ARAP2: variants seen among roughly 807,000 people sequenced by gnomAD.
The protein encoded by ARAP2 is arf-GAP with Rho-GAP domain, ANK repeat and PH domain-containing protein 2.
A neutral mutation model predicts 194.5 loss-of-function variants in ARAP2; 148 were observed. The observed-to-expected ratio is 0.76, with a 90% CI of 0.67 to 0.87. The LOEUF is 0.87. Among genes scored for constraint, ARAP2 ranks in the 40% least tolerant of loss-of-function variants. ARAP2 has a pLI of 0.00. For synonymous variants in ARAP2, 695 were observed against 683.5 expected, an observed-to-expected ratio of 1.02 and a Z score of -0.26; for missense variants, 2,128 against 1,989.7, an observed-to-expected ratio of 1.07 and a Z score of -1.32.
At position 36,228,691 on chromosome 4, in the gene ARAP2, C is replaced by A; in HGVS notation, c.796G>T (p.Ala266Ser). ...AACTTGCTACGACTTCTCACAGGTG[C>A]TAGGATTGGTGATGATGGAACATAC... ...DLYVPSSPIL[A>S]PVRSRSKLVS... Residue 266 changes from alanine to serine, a missense_variant, in exon 2 of 33, where the codon GCA becomes TCA. Coordinates refer to ENST00000303965, the MANE Select transcript of ARAP2 (RefSeq NM_015230.4). 6.2e-7 allele frequency: 1 copy of A among 1,614,014 alleles called. No individual in the cohort carries two copies. The highest frequency in any genetic ancestry group is 8.5e-7 in the Non-Finnish European group (1 of 1,179,962).
chr4:36,148,539 A>T (rs1395198345), intron 16 of ARAP2, 32 bp from the exon 17 acceptor site: 2 of 1,479,476 alleles, frequency 1.4e-6, no homozygotes, highest in Non-Finnish European at 1.9e-6. Context: ...AGATACTACC[A>T]GTTATATTTA....
chr4:36,050,246 C>G (rs941218747), intron 3 of ARAP2, among the ~76,000 whole-genome samples: 1 of 152,194 alleles, frequency 6.6e-6, no homozygotes, highest in Non-Finnish European at 1.5e-5. Flanking sequence ...CAGAGAGCAT[C>G]TGCAGCCAAT....
chr4:36,102,256 C>T (rs1717152736), intron 27 of ARAP2, among the ~76,000 whole-genome samples: 1 of 151,918 alleles, frequency 6.6e-6, no homozygotes, highest in Non-Finnish European at 1.5e-5. Context: ...TCCATCACTC[C>T]CAACCAGCAA....
At chr4:36,061,793 C>T (rs529099435), downstream of ARAP2, among the ~76,000 whole-genome samples, 7 of 152,156 alleles carry the variant, frequency 4.6e-5, no homozygotes, top group East Asian at 1.4e-3. Flanking sequence ...TCCCTTTTCG[C>T]CACAATCTCA....
At chr4:36,175,986 T>C (rs746080825) in intron 9 of ARAP2, among the ~76,000 whole-genome samples, 16 of 152,298 alleles carry the variant, frequency 1.1e-4, no homozygotes, top group Middle Eastern at 3.4e-3. Context: ...TGACATGGTA[T>C]ACAATGTTTA....
intron 8 of ARAP2, among the ~76,000 whole-genome samples, chr4:36,178,806 A>G (rs956071095): frequency 6.6e-6 from 1 of 152,328 alleles, no homozygotes; most frequent in Middle Eastern, 3.4e-3. Context: ...TTAGTATTAA[A>G]GTGAGGAGAA....
Position 36,128,730 on chromosome 4 carries a change from T to C in ARAP2, c.3443A>G (p.Tyr1148Cys), listed in dbSNP as rs1472945652. The C allele has an allele frequency of 2.2e-5, 35 of 1,596,366 alleles. No homozygotes were observed. The highest frequency in any genetic ancestry group is 2.8e-5 in the Non-Finnish European group (33 of 1,174,928). Residue 1148 changes from tyrosine to cysteine, a missense_variant, in exon 21 of 33, where the codon TAT (tyrosine) becomes TGT (cysteine). Transcript: ENST00000303965. ...FVTQYGLGCK[Y>C]IYQKNGDPLH... is the part of the protein sequence containing the mutation. ...AGGATCACCATTCTTTTGATAGATA[T>C]ATTTGCATCCTAAACCTTTGTTTAA...
intron 26 of ARAP2, 82 bp downstream of exon 26, chr4:36,114,088 A>G (rs1720719047): frequency 4.0e-6 from 4 of 991,492 alleles, no homozygotes; most frequent in Non-Finnish European, 6.2e-6. Flanking sequence ...GTTAAGACAT[A>G]AAATGTTTAT....
intron 27 of ARAP2, among the ~76,000 whole-genome samples, chr4:36,096,110 T>C (rs1236694944): frequency 6.6e-6 from 1 of 152,038 alleles, no homozygotes; most frequent in Non-Finnish European, 1.5e-5. Flanking sequence ...ATATCTGTAA[T>C]CCCAGCACTT....
rs965928274 is a variant in ARAP2 at position 36,019,172 on chromosome 4, C to A, written n.722G>T. 2.0e-5 allele frequency: 3 copies of A among 149,404 alleles called. No individual in the cohort carries two copies. In the East Asian group the frequency reaches 5.8e-4, roughly 29 times the overall value. 9.3% of individuals were successfully genotyped at this position (149,404 alleles called of 1,614,324 possible). ...TATCATAATACTGTTCACTTGTTTTCATCTTTAATTATGCTTGGTTCAGTA... is the reference window on the plus strand; with the variant it reads ...TATCATAATACTGTTCACTTGTTTTAATCTTTAATTATGCTTGGTTCAGTA... On this transcript the variant is annotated non_coding_transcript_exon_variant, in exon 6 of 13. Transcript: ENST00000503225.
In ARAP2 at chr4:36,229,281, G is replaced by T. The variant is rs1750977432; in HGVS notation, c.206C>A (p.Ser69Ter). Reference sequence around the variant, plus strand: ...ATATATTGGAATATCTTGCATTTTTGACAAGATTATCTGTAACTGTTTAAG... The same window carrying T: ...ATATATTGGAATATCTTGCATTTTTTACAAGATTATCTGTAACTGTTTAAG... ...RILKQLQIILSKMQDIPIYAN... is the reference protein window; with the variant it reads ...RILKQLQIIL The change falls in exon 2 of 33, where the codon TCA (serine) becomes TAA (stop). Residue 69 changes from serine to a stop codon, truncating the protein, a stop_gained. Transcript: ENST00000303965. LOFTEE classifies it high-confidence loss of function. The T allele has an allele frequency of 6.2e-7, 1 of 1,613,852 alleles. No homozygotes were observed. The highest frequency in any genetic ancestry group is 8.5e-7 in the Non-Finnish European group (1 of 1,179,862).
At chr4:36,085,381 T>C (rs1730576690) in intron 28 of ARAP2, among the ~76,000 whole-genome samples, 3 of 152,124 alleles carry the variant, frequency 2.0e-5, no homozygotes, top group African/African-American at 7.2e-5. Flanking sequence ...TTTTTTTATA[T>C]ATACAGTATA....
Position 36,133,819 on chromosome 4 carries a change from G to A in ARAP2, c.3264-430C>T, listed in dbSNP as rs1022413677. On this transcript the variant is annotated intron_variant, in intron 19 of 32. Coordinates refer to ENST00000303965, the MANE Select transcript of ARAP2 (RefSeq NM_015230.4). ...TTCCTCCTATCATTCTGGTCACTTA[G>A]TCTCTTTCCCAATCTCACTTCCTCT... 4.2e-4 allele frequency among the ~76,000 whole-genome samples: 63 copies of A among 151,686 alleles called. 1 individual carries two copies. The highest frequency in any genetic ancestry group is 1.8e-4 in the Non-Finnish European group (12 of 67,798).
chr4:36,163,321 T>C (rs1734522896), intron 11 of ARAP2, among the ~76,000 whole-genome samples: 2 of 151,944 alleles, frequency 1.3e-5, no homozygotes, highest in South Asian at 4.2e-4. Flanking sequence ...TGAGAGAGGA[T>C]GGATGTCATA....
chr4:36,049,151 A>T (rs190498615), intron 3 of ARAP2, among the ~76,000 whole-genome samples: 202 of 152,218 alleles, frequency 1.3e-3, no homozygotes, highest in African/African-American at 3.9e-3. Flanking sequence ...CTGTAAAAAA[A>T]AAAGTCTTTG....
At position 36,194,030 on chromosome 4, in the gene ARAP2, C is replaced by T. The variant is rs575793352; in HGVS notation, c.1488-383G>A. Among the ~76,000 whole-genome samples the T allele has an allele frequency of 6.6e-5, 10 of 152,184 alleles. No individual in the cohort carries two copies. The South Asian group carries it at 1.9e-3, about 28-fold the overall frequency. ...AGCTTATATATCTATTTTATTTTCC[C>T]TTGATTTTTGTTTTAGGGCATAAAT... On this transcript the variant is annotated intron_variant, in intron 6 of 32. Coordinates refer to ENST00000303965, the MANE Select transcript of ARAP2 (RefSeq NM_015230.4).
chr4:36,050,554 G>C (rs1208715165), intron 3 of ARAP2, among the ~76,000 whole-genome samples: 3 of 152,162 alleles, frequency 2.0e-5, no homozygotes, highest in Non-Finnish European at 2.9e-5. Context: ...TGCTCTGTGA[G>C]CAGTTTTATT....
intron 9 of ARAP2, 96 bp downstream of exon 9, chr4:36,177,731 C>T (rs1738290514): frequency 3.1e-6 from 4 of 1,278,914 alleles, no homozygotes; most frequent in South Asian, 1.8e-5. Flanking sequence ...TAAAACAAGA[C>T]TCTATAAGTA....
At chr4:36,210,841 T>C in intron 5 of ARAP2, 98 bp from the exon 6 acceptor site, 1 of 909,468 alleles carries the variant, frequency 1.1e-6, no homozygotes, top group Non-Finnish European at 1.6e-6. Context: ...AACAGAAACA[T>C]AAGGCCAGGA....
Sources: gnomAD v4.1 joint callset for allele counts (sites outside exome capture counted in the v4.1 genomes callset) on GRCh38, gnomAD v4.1.1 for gene constraint, MANE v1.5 for transcripts, NCBI Gene and HGNC (gene_info 2026-07-23, HGNC 2026-07-21) for gene names.